The following RPS6KC1 variants were observed in gnomAD, a reference collection of about 807,000 sequenced individuals.
RPS6KC1 encodes inactive ribosomal protein S6 kinase delta-1.
In RPS6KC1, 54 loss-of-function variants were observed where a neutral mutation model predicts 103.8. The observed-to-expected ratio is 0.52, with a 90% CI of 0.42 to 0.65. The LOEUF is 0.65. RPS6KC1 is among the 30% of genes least tolerant of loss of function. RPS6KC1 has a pLI of 0.00. For missense variants in RPS6KC1, 1,151 were observed against 1,253.8 expected (o/e 0.92, Z 1.24); for synonymous variants, 439 against 438.7 (o/e 1.00, Z -0.01).
chr1:213,658,575 C>T, the RPS6KC1 span, among the ~76,000 whole-genome samples: 2,742 of 152,288 alleles, frequency 0.018, 79 homozygotes, highest in African/African-American at 0.062. Context: ...GACAGATCTT[C>T]CTTGGTCATG....
the RPS6KC1 span, among the ~76,000 whole-genome samples, chr1:213,827,701 A>T: frequency 6.6e-6 from 1 of 152,152 alleles, no homozygotes; most frequent in South Asian, 2.1e-4. Flanking sequence ...AGCATTTCCA[A>T]GGGAGGGTCG....
rs185171982 is a variant in RPS6KC1, at chr1:213,144,136, A to G, written c.835+14247A>G. On this transcript the variant is annotated intron_variant, in intron 6 of 14. Coordinates refer to ENST00000366960, the MANE Select transcript of RPS6KC1 (RefSeq NM_012424.6). ...AGTTTCTTTAGCCACGTAAAATAACATAGACACAGGTTCTGGGCTTAGGGC... is the reference window on the plus strand; with the variant it reads ...AGTTTCTTTAGCCACGTAAAATAACGTAGACACAGGTTCTGGGCTTAGGGC... 1.8e-3 allele frequency among the ~76,000 whole-genome samples: 269 copies of G among 152,284 alleles called. 2 individuals are homozygous for G. Among genetic ancestry groups the G allele is most frequent in the Admixed American group, 3.0e-3 (46 of 15,238 alleles).
chr1:213,154,246 C>G (rs1050951778), intron 6 of RPS6KC1, among the ~76,000 whole-genome samples: 6 of 152,218 alleles, frequency 3.9e-5, no homozygotes, highest in Admixed American at 1.3e-4. Flanking sequence ...CCTGTTATAG[C>G]CACTCCCTGG....
intron 3 of RPS6KC1, among the ~76,000 whole-genome samples, chr1:213,080,528 A>G (rs2079774206): frequency 1.3e-5 from 2 of 152,178 alleles, no homozygotes; most frequent in Admixed American, 1.3e-4. Flanking sequence ...TAAGCTCGTA[A>G]TGTATAGAAT....
the RPS6KC1 span, among the ~76,000 whole-genome samples, chr1:213,566,769 C>T: frequency 2.6e-5 from 4 of 151,540 alleles, no homozygotes; most frequent in East Asian, 7.7e-4. Flanking sequence ...CTCTTTAATT[C>T]CTTTCTCAAT....
At chr1:213,062,516 T>C (rs940209817) in intron 1 of RPS6KC1, among the ~76,000 whole-genome samples, 1 of 152,198 alleles carries the variant, frequency 6.6e-6, no homozygotes, top group African/African-American at 2.4e-5. Context: ...ACAGAGTGAT[T>C]TCTAATCATC....
At chr1:213,116,719 C>T (rs2083679473) in intron 4 of RPS6KC1, among the ~76,000 whole-genome samples, 1 of 151,608 alleles carries the variant, frequency 6.6e-6, no homozygotes, top group African/African-American at 2.4e-5. Flanking sequence ...TTTAGCGCTT[C>T]CTTCAGGAGC....
chr1:213,526,768 T>TA, the RPS6KC1 span, among the ~76,000 whole-genome samples: 1 of 152,206 alleles, frequency 6.6e-6, no homozygotes, highest in Non-Finnish European at 1.5e-5. Flanking sequence ...AGGAAGGATG[T>TA]AAAGGCAATT....
chr1:213,326,204 AAAAAAAAAGAAAAAAG>A, the RPS6KC1 span, among the ~76,000 whole-genome samples: 2 of 151,598 alleles, frequency 1.3e-5, no homozygotes, highest in African/African-American at 4.8e-5. Context: ...TAAATAAGAG[AAAAAAAAAGAAAAAAG>A]AAAAAAAAGA....
At chr1:213,538,937 T>C in the RPS6KC1 span, among the ~76,000 whole-genome samples, 2 of 152,318 alleles carry the variant, frequency 1.3e-5, no homozygotes, top group Non-Finnish European at 2.9e-5. Flanking sequence ...ACCACAAGTC[T>C]TTGATGGAGC....
At chr1:213,211,660 G>A (rs1373904352) in intron 8 of RPS6KC1, among the ~76,000 whole-genome samples, 2 of 152,138 alleles carry the variant, frequency 1.3e-5, no homozygotes, top group African/African-American at 4.8e-5. Flanking sequence ...TCTTTGATAG[G>A]TTTATTGTTC....
chr1:213,495,498 T>C, the RPS6KC1 span, among the ~76,000 whole-genome samples: 1 of 152,156 alleles, frequency 6.6e-6, no homozygotes, highest in Non-Finnish European at 1.5e-5. Flanking sequence ...ATTTTTGTAT[T>C]TTTAGTAGAG....
the RPS6KC1 span, among the ~76,000 whole-genome samples, chr1:213,715,225 G>A: frequency 6.6e-6 from 1 of 152,186 alleles, no homozygotes. Flanking sequence ...TGTTATAAAA[G>A]GGTCACAAGC....
At chr1:213,458,442 A>T in the RPS6KC1 span, among the ~76,000 whole-genome samples, 1 of 152,106 alleles carries the variant, frequency 6.6e-6, no homozygotes, top group Non-Finnish European at 1.5e-5. Flanking sequence ...TGCTATTGTG[A>T]ATAGCACTGC....
chr1:213,507,795 A>G, the RPS6KC1 span, among the ~76,000 whole-genome samples: 14 of 152,344 alleles, frequency 9.2e-5, no homozygotes, highest in East Asian at 2.7e-3. Flanking sequence ...TGTCTGAAAC[A>G]ATGCCTTAAA....
At chr1:213,363,703 CTTCTTTCT>C in the RPS6KC1 span, among the ~76,000 whole-genome samples, 1 of 17,366 alleles carries the variant, frequency 5.8e-5, no homozygotes, top group Non-Finnish European at 1.2e-4. Context: ...TCTTTCTTTC[CTTCTTTCT>C]TTCTTTCTTT....
At chr1:213,358,515 C>G in the RPS6KC1 span, among the ~76,000 whole-genome samples, 1 of 151,952 alleles carries the variant, frequency 6.6e-6, no homozygotes, top group Admixed American at 6.6e-5. Context: ...CTATTTGATT[C>G]TTCTCTCTTT....
chr1:213,368,381 C>A, the RPS6KC1 span, among the ~76,000 whole-genome samples: 3 of 152,182 alleles, frequency 2.0e-5, no homozygotes, highest in African/African-American at 7.2e-5. Flanking sequence ...GCTTCTTTTA[C>A]ACGAGAGGGT....
intron 12 of RPS6KC1, among the ~76,000 whole-genome samples, chr1:213,249,579 TTAGC>T (rs2094509457): frequency 6.6e-6 from 1 of 152,208 alleles, no homozygotes; most frequent in Non-Finnish European, 1.5e-5. Context: ...CAATTTTCAG[TTAGC>T]CTTTTTCTCA....
Sources: gnomAD v4.1 joint callset for allele counts (sites outside exome capture counted in the v4.1 genomes callset) on GRCh38, gnomAD v4.1.1 for gene constraint, MANE v1.5 for transcripts, NCBI Gene and HGNC (gene_info 2026-07-23, HGNC 2026-07-21) for gene names.